C1orf21: variants seen among roughly 807,000 people sequenced by gnomAD.
The protein encoded by C1orf21 is chromosome 1 open reading frame 21, also known as uncharacterized protein C1orf21.
A neutral mutation model predicts 18.7 loss-of-function variants in C1orf21; 3 were observed. That is an observed-to-expected ratio of 0.16 (90% CI 0.07 to 0.42). The LOEUF (loss-of-function observed/expected upper bound fraction) is 0.42, where lower values mean the gene tolerates loss of function less well. Ranked by LOEUF, C1orf21 falls within the 10% of genes least tolerant of loss-of-function variation. The pLI is 0.99. For missense variants in C1orf21, 104 were observed against 143.6 expected (o/e 0.72, Z 1.41); for synonymous variants, 41 against 46.4 (o/e 0.88, Z 0.47).
chr1:184,560,717 G>A (rs1484358932), intron 3 of C1orf21, among the ~76,000 whole-genome samples: 1 of 152,074 alleles, frequency 6.6e-6, no homozygotes, highest in Non-Finnish European at 1.5e-5. Context: ...CCAAGAGCAG[G>A]CTCTCCAGAA....
At chr1:184,617,836 T>C (rs528207847) in intron 5 of C1orf21, among the ~76,000 whole-genome samples, 1 of 151,456 alleles carries the variant, frequency 6.6e-6, no homozygotes, top group Admixed American at 6.6e-5. Flanking sequence ...CCAGTTGGCA[T>C]GGGAGTGAGC....
chr1:184,398,405 C>T (rs1656096402), intron 1 of C1orf21, among the ~76,000 whole-genome samples: 1 of 152,298 alleles, frequency 6.6e-6, no homozygotes, highest in East Asian at 1.9e-4. Flanking sequence ...ACTTTAAAGT[C>T]AGACTTTTAA....
At chr1:184,417,561 A>G (rs1321371096) in intron 1 of C1orf21, among the ~76,000 whole-genome samples, 2 of 152,244 alleles carry the variant, frequency 1.3e-5, no homozygotes, top group Non-Finnish European at 1.5e-5. Flanking sequence ...GGTTTTTAGC[A>G]CTTATCACAA....
At chr1:184,570,915 G>A (rs1457677866) in intron 3 of C1orf21, among the ~76,000 whole-genome samples, 1 of 152,272 alleles carries the variant, frequency 6.6e-6, no homozygotes, top group African/African-American at 2.4e-5. Context: ...CTACAAACTT[G>A]TACAGCATGT....
At chr1:184,414,094 C>T (rs1329859448) in intron 1 of C1orf21, among the ~76,000 whole-genome samples, 1 of 152,114 alleles carries the variant, frequency 6.6e-6, no homozygotes, top group Non-Finnish European at 1.5e-5. Flanking sequence ...AACCTAACAC[C>T]GGACCAGAGT....
At chr1:184,456,900 A>G (rs1353506548) in intron 1 of C1orf21, among the ~76,000 whole-genome samples, 5 of 152,202 alleles carry the variant, frequency 3.3e-5, no homozygotes, top group Admixed American at 2.6e-4. Flanking sequence ...GGTGCTCAGT[A>G]TAATGTTGGA....
At chr1:184,531,213 C>T (rs902835753) in intron 3 of C1orf21, among the ~76,000 whole-genome samples, 25 of 152,142 alleles carry the variant, frequency 1.6e-4, no homozygotes, top group South Asian at 4.1e-4. Context: ...TATTTTGTAT[C>T]TGGCTTTGGT....
intron 3 of C1orf21, among the ~76,000 whole-genome samples, chr1:184,525,863 C>T (rs1658370107): frequency 6.6e-6 from 1 of 152,150 alleles, no homozygotes; most frequent in Non-Finnish European, 1.5e-5. Context: ...AATGTCCAGT[C>T]ACCTAATTTC....
At chr1:184,608,324 T>G (rs1302063445) in intron 5 of C1orf21, among the ~76,000 whole-genome samples, 1 of 152,192 alleles carries the variant, frequency 6.6e-6, no homozygotes, top group Non-Finnish European at 1.5e-5. Flanking sequence ...AAACAAAGAT[T>G]ACACAGTGGT....
chr1:184,586,322 G>T (rs1249991787), intron 3 of C1orf21, among the ~76,000 whole-genome samples: 1 of 137,160 alleles, frequency 7.3e-6, no homozygotes, highest in Non-Finnish European at 1.5e-5. Flanking sequence ...TCTCGCTGTC[G>T]CCCAGGCTGG....
At chr1:184,388,132 G>T (rs571125784) in intron 1 of C1orf21, among the ~76,000 whole-genome samples, 21 of 152,150 alleles carry the variant, frequency 1.4e-4, no homozygotes, top group Non-Finnish European at 2.5e-4. Context: ...TCTACGGAGG[G>T]TTAGTTTTTG....
At chr1:184,473,490 C>T (rs916327069) in intron 1 of C1orf21, among the ~76,000 whole-genome samples, 9 of 151,880 alleles carry the variant, frequency 5.9e-5, no homozygotes, top group South Asian at 2.1e-4. Context: ...CTGGAGTTTA[C>T]GTGAAGGATA....
chr1:184,513,542 A>G (rs1182713945), intron 3 of C1orf21, among the ~76,000 whole-genome samples: 2 of 152,206 alleles, frequency 1.3e-5, no homozygotes, highest in African/African-American at 2.4e-5. Context: ...CAGCTCTGCA[A>G]ATCTCTCTCT....
chr1:184,603,654 G>A (rs1659613509), intron 5 of C1orf21, among the ~76,000 whole-genome samples: 2 of 152,140 alleles, frequency 1.3e-5, no homozygotes, highest in Admixed American at 1.3e-4. Flanking sequence ...AATTAGCCAG[G>A]CCTGATAGTG....
At position 184,622,398 on chromosome 1, in the gene C1orf21, A is replaced by G. The variant is rs1659938473; in HGVS notation, c.*2842A>G. ...AACGAGATTTACAGCTGGCTTACAC[A>G]TGCCTTATGTCCTCTGAGTTGTAGA... is the stretch of plus-strand genomic sequence containing the variant. On this transcript the variant is annotated 3_prime_UTR_variant, in exon 6 of 6. Transcript: ENST00000235307. 6.5e-6 allele frequency: 1 copy of G among 152,746 alleles called. No homozygotes were observed. Among genetic ancestry groups the G allele is most frequent in the Non-Finnish European group, 1.5e-5 (1 of 68,056 alleles). 9.5% of individuals were successfully genotyped at this position (152,746 alleles called of 1,614,324 possible).
chr1:184,578,264 G>A (rs1458042564), intron 3 of C1orf21, among the ~76,000 whole-genome samples: 1 of 152,102 alleles, frequency 6.6e-6, no homozygotes, highest in Non-Finnish European at 1.5e-5. Context: ...CCAGTAGTCA[G>A]GTCTTAAATG....
chr1:184,483,932 T>C (rs1466659447), intron 2 of C1orf21, among the ~76,000 whole-genome samples: 2 of 148,912 alleles, frequency 1.3e-5, no homozygotes, highest in Non-Finnish European at 3.0e-5. Context: ...GGGGGGTGTA[T>C]GTGTGTTTTG....
chr1:184,585,355 A>T (rs1411949147), intron 3 of C1orf21, among the ~76,000 whole-genome samples: 1 of 152,196 alleles, frequency 6.6e-6, no homozygotes, highest in East Asian at 1.9e-4. Flanking sequence ...TTGGCATCAA[A>T]CCTTCTTAGT....
At chr1:184,529,381 G>A (rs530759038) in intron 3 of C1orf21, among the ~76,000 whole-genome samples, 2 of 152,268 alleles carry the variant, frequency 1.3e-5, no homozygotes, top group South Asian at 4.2e-4. Flanking sequence ...ATGTGATAAG[G>A]ACTTTGATAG....
Sources: allele counts gnomAD v4.1 joint callset (sites outside exome capture counted in the v4.1 genomes callset), GRCh38; gene constraint gnomAD v4.1.1; transcripts MANE v1.5; gene names NCBI Gene and HGNC (gene_info 2026-07-23, HGNC 2026-07-21).